LATS2: variants seen among roughly 807,000 people sequenced by gnomAD.
LATS2 encodes the protein serine/threonine-protein kinase LATS2.
LATS2 carries 24 observed loss-of-function variants against 76.0 expected under a neutral mutation model. That is an observed-to-expected ratio of 0.32 (90% CI 0.23 to 0.44). The LOEUF (loss-of-function observed/expected upper bound fraction) is 0.44. LATS2 is among the 20% of genes least tolerant of loss of function. The pLI is 1.00. For missense variants in LATS2, 1,286 were observed against 1,481.2 expected (o/e 0.87, Z 2.16); for synonymous variants, 692 against 635.4 (o/e 1.09, Z -1.34).
Position 20,983,449 on chromosome 13 carries a change from T to C in LATS2, c.2257A>G (p.Met753Val), listed in dbSNP as rs780367764. The C allele has an allele frequency of 6.2e-7, 1 of 1,614,108 alleles. No homozygotes were observed. Among genetic ancestry groups the C allele is most frequent in the Non-Finnish European group, 8.5e-7 (1 of 1,180,026 alleles). ...TCCATCCGGATCAGCAGGCTCATCATGTCCCCACCAGGGATGTAGTCCATC... is the reference window on the plus strand; with the variant it reads ...TCCATCCGGATCAGCAGGCTCATCACGTCCCCACCAGGGATGTAGTCCATC... ...FVMDYIPGGD[M>V]MSLLIRMEVF... Residue 753 changes from methionine (M) to valine (V), a missense_variant, in exon 5 of 8, where the codon ATG (methionine) becomes GTG (valine). Physicochemically the swap from Met to Val is conservative, Grantham distance 21 (BLOSUM62 1). Transcript: ENST00000382592.
Position 20,975,259 on chromosome 13 carries a change from C to T in LATS2, c.2878G>A (p.Gly960Arg). 1 of 1,614,176 alleles carries T rather than the reference C, an allele frequency of 6.2e-7. No individual in the cohort carries two copies. Among genetic ancestry groups the T allele is most frequent in the African/African-American group, 1.3e-5 (1 of 75,064 alleles). ...KLCCSADHRL[G>R]RNGADDLKAH... The stretch of plus-strand genomic sequence containing the variant: ...TTCAGGTCATCGGCCCCATTCCGCC[C>T]CAGGCGGTGGTCTGCGGAGCAGCAC... Residue 960 changes from glycine to arginine, a missense_variant, in exon 8 of 8, where the codon GGG (glycine) becomes AGG (arginine). This residue lies in a region of LATS2 where 210 missense variants were observed against 234.9 expected (regional missense o/e 0.89). Coordinates refer to ENST00000382592, the MANE Select transcript of LATS2 (RefSeq NM_014572.3).
intron 1 of LATS2, among the ~76,000 whole-genome samples, chr13:21,055,724 C>T (rs77492046): frequency 0.068 from 10,346 of 152,260 alleles, 426 homozygotes; most frequent in Non-Finnish European, 0.092. Flanking sequence ...ATGGGACCTG[C>T]GCTAATGACA....
At chr13:20,985,775 G>A (rs1265438630) in intron 4 of LATS2, among the ~76,000 whole-genome samples, 1 of 151,612 alleles carries the variant, frequency 6.6e-6, no homozygotes, top group Non-Finnish European at 1.5e-5. Context: ...GCCAGGCGCG[G>A]TGGCTCACAC....
chr13:21,054,341 G>A (rs371346898), intron 1 of LATS2, among the ~76,000 whole-genome samples: 1 of 152,220 alleles, frequency 6.6e-6, no homozygotes, highest in South Asian at 2.1e-4. Flanking sequence ...CTGGGAGGCG[G>A]GGGCTGCTGT....
rs140826883 is a variant in LATS2, at chr13:20,975,438, G to A, written c.2773-74C>T. The A allele has an allele frequency of 5.6e-6, 8 of 1,432,468 alleles. No individual in the cohort carries two copies. The East Asian group carries it at 9.2e-5, about 17-fold the overall frequency. 88.7% of individuals were successfully genotyped at this position (1,432,468 alleles called of 1,614,324 possible). Reference sequence around the variant, plus strand: ...CAGTTCTGGGACAGCGTGTGATGACGTGACTTTCAAATATGTTTAGTTTCA... The same window carrying A: ...CAGTTCTGGGACAGCGTGTGATGACATGACTTTCAAATATGTTTAGTTTCA... On this transcript the variant is annotated intron_variant, in intron 7 of 7. Transcript: ENST00000382592.
intron 2 of LATS2, chr13:21,005,264 A>C (rs903096397): frequency 6.6e-6 from 1 of 152,412 alleles, no homozygotes; most frequent in African/African-American, 2.4e-5. Context: ...TGTCTGGTGA[A>C]CAGAAAAGAT....
chr13:20,978,905 G>A (rs1232089819), intron 7 of LATS2, among the ~76,000 whole-genome samples: 2 of 152,122 alleles, frequency 1.3e-5, no homozygotes, highest in Non-Finnish European at 2.9e-5. Context: ...GGGATTACAG[G>A]TGCACACCAC....
At chr13:21,054,691 T>C (rs1185651390) in intron 1 of LATS2, among the ~76,000 whole-genome samples, 2 of 151,942 alleles carry the variant, frequency 1.3e-5, no homozygotes. Context: ...TATGTCGATG[T>C]CTGTTTATAC....
At chr13:20,998,711 G>A (rs560117512) in intron 2 of LATS2, among the ~76,000 whole-genome samples, 1 of 152,308 alleles carries the variant, frequency 6.6e-6, no homozygotes, top group South Asian at 2.1e-4. Context: ...GGCGATCTTG[G>A]GCAGGTGGGG....
intron 2 of LATS2, among the ~76,000 whole-genome samples, chr13:21,005,866 T>C (rs915830906): frequency 6.1e-5 from 9 of 147,956 alleles, no homozygotes; most frequent in African/African-American, 2.3e-4. Flanking sequence ...TTAATCCCAG[T>C]ACTTTGGGAG....
chr13:21,044,190 G>A (rs936837987), intron 2 of LATS2, among the ~76,000 whole-genome samples: 3 of 152,178 alleles, frequency 2.0e-5, no homozygotes, highest in African/African-American at 7.2e-5. Context: ...AATTATCAAG[G>A]AAGCCCTCTA....
intron 2 of LATS2, among the ~76,000 whole-genome samples, chr13:20,999,272 G>A (rs1387673638): frequency 6.6e-6 from 1 of 152,254 alleles, no homozygotes; most frequent in African/African-American, 2.4e-5. Flanking sequence ...TGGCGCCGCA[G>A]GCCCCCGAAC....
intron 2 of LATS2, among the ~76,000 whole-genome samples, chr13:21,012,275 G>GGTGA (rs1012653870): frequency 6.6e-5 from 10 of 152,100 alleles, no homozygotes; most frequent in African/African-American, 1.9e-4. Flanking sequence ...AGTTGTGGAG[G>GGTGA]GTGAGTGAGT....
intron 6 of LATS2, among the ~76,000 whole-genome samples, chr13:20,980,556 G>C (rs1433786708): frequency 3.9e-5 from 6 of 152,088 alleles, no homozygotes; most frequent in African/African-American, 1.2e-4. Context: ...CTATCTCTCC[G>C]TCCCACCTCT....
At chr13:21,023,519 G>A (rs998448141) in intron 2 of LATS2, among the ~76,000 whole-genome samples, 1 of 151,846 alleles carries the variant, frequency 6.6e-6, no homozygotes, top group Non-Finnish European at 1.5e-5. Flanking sequence ...GCGGGGCCAG[G>A]ACTCTCCACG....
Position 20,975,271 on chromosome 13 carries a change from C to T in LATS2, c.2866G>A (p.Asp956Asn). The change falls in exon 8 of 8, where the codon GAC (aspartate) becomes AAC (asparagine). Residue 956 changes from aspartate to asparagine, a missense_variant. Asp to Asn is a conservative substitution (Grantham distance 23). This residue lies in a region of LATS2 where 210 missense variants were observed against 234.9 expected (regional missense o/e 0.89). Transcript: ENST00000382592. ...GCCCCATTCCGCCCCAGGCGGTGGT[C>T]TGCGGAGCAGCACAGCTTGGTGATG... ...DLITKLCCSA[D>N]HRLGRNGADD... The T allele has an allele frequency of 6.2e-7, 1 of 1,614,146 alleles. No homozygotes were observed.
chr13:21,041,251 T>C lies in LATS2; in HGVS notation c.342+4434A>G, dbSNP rs997993533. 3.3e-5 allele frequency among the ~76,000 whole-genome samples: 5 copies of C among 152,146 alleles called. No individual in the cohort carries two copies. In the South Asian group the frequency reaches 6.2e-4, roughly 19 times the overall value. ...CCTCCCAAAGTGCTGGGATTACAGG[T>C]GTGAGCCACCGCGCCTGGCCCACTC... On this transcript the variant is annotated intron_variant, in intron 2 of 7. Transcript: ENST00000382592.
At chr13:20,980,372 AG>A (rs1212793413) in intron 6 of LATS2, among the ~76,000 whole-genome samples, 1 of 152,208 alleles carries the variant, frequency 6.6e-6, no homozygotes, top group Non-Finnish European at 1.5e-5. Flanking sequence ...GCTGTAGGCT[AG>A]GCTCGTTTAC....
At chr13:20,996,942 A>G (rs1373255916) in intron 2 of LATS2, among the ~76,000 whole-genome samples, 1 of 152,214 alleles carries the variant, frequency 6.6e-6, no homozygotes, top group Non-Finnish European at 1.5e-5. Flanking sequence ...AGGGCTAAAT[A>G]CTATGGCACA....
Sources: allele counts gnomAD v4.1 joint callset (sites outside exome capture counted in the v4.1 genomes callset), GRCh38; gene constraint gnomAD v4.1.1; regional missense constraint gnomAD v4.1.1; transcripts MANE v1.5; gene names NCBI Gene and HGNC (gene_info 2026-07-23, HGNC 2026-07-21).